Variants in PDE4D observed in about 807,000 individuals in gnomAD.
The protein encoded by PDE4D is phosphodiesterase 4D.
In PDE4D, 24 loss-of-function variants were observed where a neutral mutation model predicts 87.4. The ratio of observed to expected loss-of-function variants is 0.27; its 90% confidence interval spans 0.20 to 0.39. The LOEUF (loss-of-function observed/expected upper bound fraction) is 0.39. Among genes scored for constraint, PDE4D ranks in the 10% least tolerant of loss-of-function variants. The pLI is 1.00. For missense variants in PDE4D, 714 were observed against 1,041.0 expected (o/e 0.69, Z 4.32); for synonymous variants, 384 against 383.2 (o/e 1.00, Z -0.02).
intron 1 of PDE4D, among the ~76,000 whole-genome samples, chr5:59,328,521 T>C (rs938969815): frequency 2.0e-5 from 3 of 152,126 alleles, no homozygotes; most frequent in African/African-American, 7.2e-5. Flanking sequence ...CAAGTGTATG[T>C]TGGGAGAACA....
chr5:59,712,388 T>C (rs1478336748), intron 1 of PDE4D, among the ~76,000 whole-genome samples: 1 of 95,590 alleles, frequency 1.0e-5, no homozygotes, highest in Non-Finnish European at 2.0e-5. Flanking sequence ...AAGGTTAATA[T>C]TATTCATATA....
chr5:60,441,581 A>G (rs1745215694), intron 1 of PDE4D, among the ~76,000 whole-genome samples: 1 of 152,224 alleles, frequency 6.6e-6, no homozygotes, highest in Non-Finnish European at 1.5e-5. Flanking sequence ...GCCAAAATAG[A>G]CAAATGGGAT....
At position 60,071,355 on chromosome 5, in the gene PDE4D, A is replaced by G. The variant is rs1021451568; in HGVS notation, c.43-82638T>C. On this transcript the variant is annotated intron_variant, in intron 2 of 16. Transcript: ENST00000502484. ...GATGCATTCTTTAATTGGTGCACACAGCCATCTAAAAGAATAAAGAATCAA... is the reference window on the plus strand; with the variant it reads ...GATGCATTCTTTAATTGGTGCACACGGCCATCTAAAAGAATAAAGAATCAA... Among the ~76,000 whole-genome samples the G allele has an allele frequency of 3.3e-5, 5 of 152,104 alleles. No individual in the cohort carries two copies. In the East Asian group the frequency reaches 7.7e-4, roughly 23 times the overall value.
rs530397174 is a variant in PDE4D, at chr5:58,995,977, C to T, written c.922-2512G>A. ...GTAGCCATAAAAAGGGATGAGTTCA[C>T]GTCCTTTGCAGGGACATGGATGAAG... On this transcript the variant is annotated intron_variant, in intron 6 of 14. Transcript: ENST00000340635. 4.4e-4 allele frequency among the ~76,000 whole-genome samples: 67 copies of T among 150,600 alleles called. 1 individual carries two copies. The highest frequency in any genetic ancestry group is 4.4e-3 in the Admixed American group (66 of 15,112).
intron 1 of PDE4D, among the ~76,000 whole-genome samples, chr5:59,711,407 AT>A (rs924437021): frequency 5.9e-5 from 9 of 152,150 alleles, no homozygotes; most frequent in African/African-American, 1.9e-4. Flanking sequence ...ATTAAAAAAA[AT>A]AATATATCCA....
intron 5 of PDE4D, among the ~76,000 whole-genome samples, chr5:59,147,173 A>T (rs980180057): frequency 1.3e-5 from 2 of 152,194 alleles, no homozygotes; most frequent in Non-Finnish European, 2.9e-5. Flanking sequence ...CCTGGTGCCA[A>T]AAAGGTTGGG....
intron 1 of PDE4D, among the ~76,000 whole-genome samples, chr5:59,457,384 A>T (rs1193747556): frequency 1.3e-5 from 2 of 152,240 alleles, no homozygotes; most frequent in African/African-American, 4.8e-5. Flanking sequence ...TGTCTTCTAG[A>T]CATGCTATTG....
rs186240093 is a variant in PDE4D at position 60,199,370 on chromosome 5, A to G, written c.-89-13683T>C. On this transcript the variant is annotated intron_variant, in intron 1 of 16. Transcript: ENST00000502484. ...CTGGAGCCTGTGCTGAATCATTGCC[A>G]TTTGTGTGGCACCCATCTGGCACCT... 8.6e-5 allele frequency among the ~76,000 whole-genome samples: 13 copies of G among 151,834 alleles called. 1 individual carries two copies. The highest frequency in any genetic ancestry group is 2.0e-4 in the Admixed American group (3 of 15,218).
In PDE4D at chr5:60,009,135, G is replaced by T. The variant is rs560810693; in HGVS notation, c.43-20418C>A. Reference sequence around the variant, plus strand: ...ACTCTGCCTAACAGTATCATCAACTGCCTTCCTACATCTTAAGCATAAGTT... The same window carrying T: ...ACTCTGCCTAACAGTATCATCAACTTCCTTCCTACATCTTAAGCATAAGTT... On this transcript the variant is annotated intron_variant, in intron 2 of 16. Coordinates refer to the PDE4D transcript ENST00000502484. Among the ~76,000 whole-genome samples, 6 of 152,086 alleles carry T rather than the reference G, an allele frequency of 3.9e-5. No individual in the cohort carries two copies. The South Asian group carries it at 1.2e-3, about 32-fold the overall frequency.
intron 1 of PDE4D, among the ~76,000 whole-genome samples, chr5:59,706,776 A>G (rs180814433): frequency 3.2e-4 from 48 of 152,270 alleles, no homozygotes; most frequent in Admixed American, 2.7e-3. Flanking sequence ...GGAAATATAA[A>G]TCCTTTTCCG....
intron 3 of PDE4D, among the ~76,000 whole-genome samples, chr5:59,904,740 T>C (rs1173956866): frequency 1.3e-5 from 2 of 152,192 alleles, no homozygotes; most frequent in African/African-American, 4.8e-5. Flanking sequence ...GATAGGTACC[T>C]GGGGAACACT....
chr5:59,333,127 G>T (rs1365687255), intron 1 of PDE4D, among the ~76,000 whole-genome samples: 1 of 152,110 alleles, frequency 6.6e-6, no homozygotes, highest in Non-Finnish European at 1.5e-5. Context: ...AAACTCTTTT[G>T]TAGCCATAGA....
chr5:59,587,354 CT>C, intron 1 of PDE4D: 1 of 719,746 alleles, frequency 1.4e-6, no homozygotes. Context: ...CTCTCAATCT[CT>C]TTTGTTTTTC....
At chr5:59,351,184 T>A (rs1037403805) in intron 1 of PDE4D, among the ~76,000 whole-genome samples, 5 of 152,154 alleles carry the variant, frequency 3.3e-5, no homozygotes, top group African/African-American at 1.2e-4. Context: ...ATTTTAATTT[T>A]CTATTTATGT....
At chr5:59,676,319 T>A (rs1748075718) in intron 1 of PDE4D, among the ~76,000 whole-genome samples, 1 of 152,256 alleles carries the variant, frequency 6.6e-6, no homozygotes, top group Admixed American at 6.5e-5. Context: ...GACCTTGGTA[T>A]GTCTAATATT....
chr5:59,384,735 AACTCTATAATTC>A lies in PDE4D; in HGVS notation c.456-168779_456-168768del, dbSNP rs1786626914. 2.0e-5 allele frequency among the ~76,000 whole-genome samples: 3 copies of A among 152,194 alleles called. No homozygotes were observed. In the East Asian group the frequency reaches 5.8e-4, roughly 29 times the overall value. Reference sequence around the variant, plus strand: ...AGTCATTTTGTTTCTGCTGGTAATTAACTCTATAATTCTAAGTAATATGCTTATACTGGGTTT... The same window carrying A: ...AGTCATTTTGTTTCTGCTGGTAATTATAAGTAATATGCTTATACTGGGTTT... On this transcript the variant is annotated intron_variant, in intron 1 of 14. Coordinates refer to ENST00000340635, the MANE Select transcript of PDE4D (RefSeq NM_001104631.2).
chr5:60,146,976 G>C lies in PDE4D; in HGVS notation c.42+38581C>G, dbSNP rs1178588259. Among the ~76,000 whole-genome samples the C allele has an allele frequency of 7.2e-5, 11 of 152,112 alleles. No individual in the cohort carries two copies. In the South Asian group the frequency reaches 1.4e-3, roughly 20 times the overall value. On this transcript the variant is annotated intron_variant, in intron 2 of 16. Coordinates refer to the PDE4D transcript ENST00000502484. ...GAAGAAAAAAAGATAATAAATATTG[G>C]GGAGGATATGGAGAAGAGGGAACCC...
intron 6 of PDE4D, among the ~76,000 whole-genome samples, chr5:59,013,175 T>C (rs1305529629): frequency 6.6e-6 from 1 of 152,178 alleles, no homozygotes; most frequent in South Asian, 2.1e-4. Flanking sequence ...TTTATAGCAC[T>C]AAGTGCCCAC....
At chr5:59,886,263 A>T (rs1321944899) in intron 1 of PDE4D, among the ~76,000 whole-genome samples, 1 of 152,228 alleles carries the variant, frequency 6.6e-6, no homozygotes, top group Non-Finnish European at 1.5e-5. Flanking sequence ...GAAAAGAAAA[A>T]TATTCCCACT....
Sources: gnomAD v4.1 joint callset for allele counts (sites outside exome capture counted in the v4.1 genomes callset) on GRCh38, gnomAD v4.1.1 for gene constraint, MANE v1.5 for transcripts, NCBI Gene and HGNC (gene_info 2026-07-23, HGNC 2026-07-21) for gene names.